FBXO24: variants seen among roughly 807,000 people sequenced by gnomAD.
FBXO24 encodes F-box protein 24.
Under a neutral mutation model 63.5 loss-of-function variants are expected in FBXO24, and 30 were observed. That is an observed-to-expected ratio of 0.47 (90% CI 0.35 to 0.64). The LOEUF (loss-of-function observed/expected upper bound fraction) is 0.64. Ranked by LOEUF, FBXO24 falls within the 30% of genes least tolerant of loss-of-function variation. FBXO24 has a pLI of 0.00. For missense variants in FBXO24, 624 were observed against 763.4 expected, an observed-to-expected ratio of 0.82 and a Z score of 2.15; for synonymous variants, 300 against 305.0, an observed-to-expected ratio of 0.98 and a Z score of 0.17.
Position 100,600,185 on chromosome 7 carries a change from T to G in FBXO24, c.1361T>G (p.Val454Gly). Residue 454 changes from valine to glycine, a missense_variant, in exon 9 of 10, where the codon GTC becomes GGC. Val to Gly is a moderately radical substitution (Grantham distance 109). Coordinates refer to ENST00000241071, the MANE Select transcript of FBXO24 (RefSeq NM_033506.3). The surrounding 1 kb of genome is among the most constrained non-coding windows in gnomAD (Gnocchi z 6.3). Reference protein sequence around the residue: ...PGWPKGSASFVKLQVKVPLCA... With the variant: ...PGWPKGSASFGKLQVKVPLCA... ...TGGCCCAAGGGGAGTGCCTCCTTCG[T>G]CAAGCTCCAAGTCAAGGTCAGAGCG... 1.3e-6 allele frequency: 2 copies of G among 1,568,986 alleles called. No individual in the cohort carries two copies. Among genetic ancestry groups the G allele is most frequent in the Non-Finnish European group, 1.7e-6 (2 of 1,156,652 alleles).
rs1265863785 is a variant in FBXO24, at chr7:100,600,866, G to C, written c.1710G>C (p.Gly570=). ...LDMLQRAEGG[G]GGVGPPAPET is the part of the protein sequence containing the mutation. Reference sequence around the variant, plus strand: ...TGCTGCAGAGGGCTGAAGGAGGCGGGGGTGGTGTAGGGCCCCCAGCCCCTG... The same window carrying C: ...TGCTGCAGAGGGCTGAAGGAGGCGGCGGTGGTGTAGGGCCCCCAGCCCCTG... Residue 570 remains glycine (G), a synonymous_variant, in exon 10 of 10, where the codon GGG becomes GGC. Coordinates refer to ENST00000241071, the MANE Select transcript of FBXO24 (RefSeq NM_033506.3). The surrounding 1 kb of genome is among the most constrained non-coding windows in gnomAD (Gnocchi z 6.3). 1.2e-6 allele frequency: 2 copies of C among 1,613,620 alleles called. No individual in the cohort carries two copies. The highest frequency in any genetic ancestry group is 2.7e-5 in the African/African-American group (2 of 74,934).
chr7:100,588,517 T>C (rs1801855761), intron 1 of FBXO24, among the ~76,000 whole-genome samples: 1 of 152,134 alleles, frequency 6.6e-6, no homozygotes. Flanking sequence ...GTGCAGTCAA[T>C]GAACGGATCT....
At chr7:100,599,885 GCAGA>G in intron 8 of FBXO24, 142 bp from the exon 9 acceptor site, 1 of 865,448 alleles carries the variant, frequency 1.2e-6, no homozygotes, top group East Asian at 2.7e-5. Context: ...GGTCAGCAGG[GCAGA>G]CCTGGGGCGT....
Position 100,600,959 on chromosome 7 carries a change from G to A in FBXO24, c.*60G>A, listed in dbSNP as rs941954838. On this transcript the variant is annotated 3_prime_UTR_variant, in exon 10 of 10. Coordinates refer to ENST00000241071, the MANE Select transcript of FBXO24 (RefSeq NM_033506.3). This position sits in a 1 kb window ranked among gnomAD's most constrained non-coding sequence, Gnocchi z 6.3. ...AGTCCGGCCCCAGGCCAGGGACTAA[G>A]GAGCAATGACCATTGTGCACATGCG... is the stretch of plus-strand genomic sequence containing the variant. 5 of 1,562,590 alleles carry A rather than the reference G, an allele frequency of 3.2e-6. No homozygotes were observed. The highest frequency in any genetic ancestry group is 1.4e-5 in the African/African-American group (1 of 73,662).
At chr7:100,597,710 A>G (rs1802378299) in intron 8 of FBXO24, among the ~76,000 whole-genome samples, 1 of 149,328 alleles carries the variant, frequency 6.7e-6, no homozygotes, top group South Asian at 2.1e-4. Context: ...TATTTTTATT[A>G]TTACTTTTTT....
At position 100,594,558 on chromosome 7, in the gene FBXO24, C is replaced by G. The variant is rs1462408212; in HGVS notation, c.952+17C>G. 5 of 1,556,916 alleles carry G rather than the reference C, an allele frequency of 3.2e-6. No individual in the cohort carries two copies. Among genetic ancestry groups the G allele is most frequent in the South Asian group, 1.2e-5 (1 of 84,776 alleles). ...ACGTCACAGGTATGGACCACCTCCCCCCGGCTCAAGCCCGCAGCCTTGGTT... is the reference window on the plus strand; with the variant it reads ...ACGTCACAGGTATGGACCACCTCCCGCCGGCTCAAGCCCGCAGCCTTGGTT... On this transcript the variant is annotated intron_variant, in intron 6 of 9. Coordinates refer to ENST00000241071, the MANE Select transcript of FBXO24 (RefSeq NM_033506.3). This position sits in a 1 kb window ranked among gnomAD's most constrained non-coding sequence, Gnocchi z 4.2.
Position 100,589,718 on chromosome 7 carries a change from C to T in FBXO24, c.40-259C>T, listed in dbSNP as rs1419241453. On this transcript the variant is annotated intron_variant, in intron 1 of 9. Coordinates refer to ENST00000241071, the MANE Select transcript of FBXO24 (RefSeq NM_033506.3). ...AGGGCAGGAGCAGGGAGGGGGCAAT[C>T]AGGATGGTCAGGGGAAGCCAGAGAC... 2.6e-6 allele frequency: 4 copies of T among 1,547,198 alleles called. No homozygotes were observed. In the East Asian group the frequency reaches 9.8e-5, roughly 38 times the overall value.
intron 7 of FBXO24, 56 bp from the exon 8 acceptor site, chr7:100,595,519 T>A: frequency 6.6e-7 from 1 of 1,520,708 alleles, no homozygotes; most frequent in Non-Finnish European, 8.8e-7. Flanking sequence ...ACTCTGGAAC[T>A]CAGAGTTCCT....
chr7:100,600,856 A>G lies in FBXO24; in HGVS notation c.1700A>G (p.Glu567Gly). ...GCCCTGGACATGCTGCAGAGGGCTG[A>G]AGGAGGCGGGGGTGGTGTAGGGCCC... ...WEALDMLQRA[E>G]GGGGGVGPPA... Residue 567 changes from glutamate (E) to glycine (G), a missense_variant, in exon 10 of 10, where the codon GAA (glutamate) becomes GGA (glycine). Transcript: ENST00000241071. The surrounding 1 kb of genome is among the most constrained non-coding windows in gnomAD (Gnocchi z 6.3). The G allele has an allele frequency of 6.2e-7, 1 of 1,613,900 alleles. No homozygotes were observed. Among genetic ancestry groups the G allele is most frequent in the South Asian group, 1.1e-5 (1 of 91,086 alleles).
intron 7 of FBXO24, 42 bp from the exon 8 acceptor site, chr7:100,595,533 G>A: frequency 1.3e-6 from 2 of 1,539,222 alleles, no homozygotes; most frequent in Non-Finnish European, 1.8e-6. Context: ...AGTTCCTCTG[G>A]AGGGAATGGA....
Position 100,600,728 on chromosome 7 carries a change from C to T in FBXO24, c.1572C>T (p.Ser524=), listed in dbSNP as rs1399044909. The T allele has an allele frequency of 6.2e-7, 1 of 1,614,188 alleles. No individual in the cohort carries two copies. Among genetic ancestry groups the T allele is most frequent in the South Asian group, 1.1e-5 (1 of 91,092 alleles). ...CCCAGGCCTGCGAGGAGTACCTCAG[C>T]CAGATCCACAGTTGCCAAACGTTGC... is the stretch of plus-strand genomic sequence containing the variant. ...GMAQACEEYL[S]QIHSCQTLQD... is the part of the protein sequence containing the mutation. Residue 524 remains serine, a synonymous_variant, in exon 10 of 10, where the codon AGC becomes AGT. Transcript: ENST00000241071. The surrounding 1 kb of genome is among the most constrained non-coding windows in gnomAD (Gnocchi z 6.3).
chr7:100,586,738 C>G lies in FBXO24; in HGVS notation c.39+74C>G, dbSNP rs759555754. On this transcript the variant is annotated intron_variant, in intron 1 of 9. Coordinates refer to ENST00000241071, the MANE Select transcript of FBXO24 (RefSeq NM_033506.3). ...GGCCGGCCGGGAACGCAGTTCGCCGCTGCAGTGGCGAGTGCGAGCTGGACG... is the reference window on the plus strand; with the variant it reads ...GGCCGGCCGGGAACGCAGTTCGCCGGTGCAGTGGCGAGTGCGAGCTGGACG... 3 of 1,549,776 alleles carry G rather than the reference C, an allele frequency of 1.9e-6. No homozygotes were observed. In the South Asian group the frequency reaches 3.4e-5, roughly 17 times the overall value.
chr7:100,600,666 C>A lies in FBXO24; in HGVS notation c.1510C>A (p.Leu504Met). 1 of 1,614,068 alleles carries A rather than the reference C, an allele frequency of 6.2e-7. No individual in the cohort carries two copies. The highest frequency in any genetic ancestry group is 8.5e-7 in the Non-Finnish European group (1 of 1,179,960). Residue 504 changes from leucine (L) to methionine (M), a missense_variant, in exon 10 of 10, where the codon CTG becomes ATG. Around this residue, in one of 3 missense-constraint regions of FBXO24, gnomAD observed 216 missense variants for 245.2 expected, o/e 0.88. Coordinates refer to ENST00000241071, the MANE Select transcript of FBXO24 (RefSeq NM_033506.3). This position sits in a 1 kb window ranked among gnomAD's most constrained non-coding sequence, Gnocchi z 6.3. ...SRVVGTPEPS[L>M]GARAPQDPGG... ...GGTGGTGGGGACTCCTGAGCCCAGC[C>A]TGGGGGCCAGAGCACCCCAGGACCC... is the stretch of plus-strand genomic sequence containing the variant.
In FBXO24 at chr7:100,595,211, A is replaced by C; in HGVS notation, c.1062A>C (p.Ser354=). Residue 354 remains serine (S), a synonymous_variant, in exon 7 of 10, where the codon TCA becomes TCC. Transcript: ENST00000241071. ...ACCAGCAGATGCCGCTTGCTCTCTC[A>C]CTGCCTGCCAAGGTAGGCTCCTGGA... ...PLDQQMPLAL[S]LPAKILFCAL... 6.2e-7 allele frequency: 1 copy of C among 1,614,002 alleles called. No homozygotes were observed.
At position 100,600,895 on chromosome 7, in the gene FBXO24, C is replaced by T. The variant is rs1045489669; in HGVS notation, c.1739C>T (p.Thr580Ile). 1.2e-5 allele frequency: 20 copies of T among 1,611,806 alleles called. No individual in the cohort carries two copies. In the East Asian group the frequency reaches 4.5e-4, roughly 36 times the overall value. The change falls in exon 10 of 10, where the codon ACC (threonine) becomes ATC (isoleucine). Residue 580 changes from threonine (T) to isoleucine (I), a missense_variant. By Grantham distance (89) the Thr-to-Ile change is moderately conservative. Transcript: ENST00000241071. This position sits in a 1 kb window ranked among gnomAD's most constrained non-coding sequence, Gnocchi z 6.3. The part of the protein sequence containing the change: ...GGGVGPPAPE[T>I] ...GGTGTAGGGCCCCCAGCCCCTGAGA[C>T]CTAATCCCCCTCATGCTAGCCTAGT...
chr7:100,600,924 TGGA>T lies in FBXO24; in HGVS notation c.*31_*33del, dbSNP rs745810150. ...ATCCCCCTCATGCTAGCCTAGTCCC[TGGA>T]GGAGGGAGTCCGGCCCCAGGCCAGG... On this transcript the variant is annotated 3_prime_UTR_variant, in exon 10 of 10. Transcript: ENST00000241071. This position sits in a 1 kb window ranked among gnomAD's most constrained non-coding sequence, Gnocchi z 6.3. The T allele has an allele frequency of 6.3e-7, 1 of 1,597,666 alleles. No homozygotes were observed. The highest frequency in any genetic ancestry group is 8.5e-7 in the Non-Finnish European group (1 of 1,172,056).
chr7:100,597,223 T>C (rs577109649), intron 8 of FBXO24, among the ~76,000 whole-genome samples: 33 of 152,166 alleles, frequency 2.2e-4, no homozygotes, highest in African/African-American at 8.0e-4. Flanking sequence ...CCTCTAACAC[T>C]GTCCCAGAAG....
At chr7:100,595,427 C>A (rs1166729437) in intron 7 of FBXO24, 148 bp from the exon 8 acceptor site, 3 of 1,264,280 alleles carry the variant, frequency 2.4e-6, no homozygotes, top group African/African-American at 1.5e-5. Context: ...CTAGACCAGC[C>A]TGGGCAACAT....
rs117549210 is a variant in FBXO24, at chr7:100,590,552, G to A, written c.322+195G>A. 5.7e-4 allele frequency among the ~76,000 whole-genome samples: 87 copies of A among 152,226 alleles called. 1 individual carries two copies. In the East Asian group the frequency reaches 0.015, roughly 26 times the overall value. ...TCTTCGGAATCCACCCACAGCCCCC[G>A]TTAGCGGCCTCCCTGCCAAGTCTCC... On this transcript the variant is annotated intron_variant, in intron 3 of 9. Coordinates refer to ENST00000241071, the MANE Select transcript of FBXO24 (RefSeq NM_033506.3).
Sources: allele counts gnomAD v4.1 joint callset (sites outside exome capture counted in the v4.1 genomes callset), GRCh38; gene constraint gnomAD v4.1.1; regional missense constraint gnomAD v4.1.1; non-coding constraint Gnocchi (gnomAD v3.1); transcripts MANE v1.5; gene names NCBI Gene and HGNC (gene_info 2026-07-23, HGNC 2026-07-21).